The following ZFYVE9 variants were observed in gnomAD, a reference collection of about 807,000 sequenced individuals.
ZFYVE9 encodes the protein zinc finger FYVE-type containing 9.
Under a neutral mutation model 126.7 loss-of-function variants are expected in ZFYVE9, and 43 were observed. The ratio of observed to expected loss-of-function variants is 0.34; its 90% CI spans 0.27 to 0.44. The LOEUF (loss-of-function observed/expected upper bound fraction) is 0.44, where lower values mean the gene tolerates loss of function less well. Ranked by LOEUF, ZFYVE9 falls within the 20% of genes least tolerant of loss-of-function variation. ZFYVE9 has a pLI of 1.00. For synonymous variants in ZFYVE9, 521 were observed against 597.4 expected (o/e 0.87, Z 1.87); for missense variants, 1,476 against 1,697.0 (o/e 0.87, Z 2.29).
chr1:52,288,294 C>A (rs977627201), intron 10 of ZFYVE9, among the ~76,000 whole-genome samples: 20 of 152,112 alleles, frequency 1.3e-4, no homozygotes, highest in Non-Finnish European at 2.1e-4. Flanking sequence ...TATAGTGTCT[C>A]TTGAGCTGTT....
At chr1:52,151,273 G>T (rs1644353959) in intron 1 of ZFYVE9, among the ~76,000 whole-genome samples, 1 of 151,848 alleles carries the variant, frequency 6.6e-6, no homozygotes, top group African/African-American at 2.4e-5. Flanking sequence ...CATCTTTCTG[G>T]TAAGTGTTTC....
At chr1:52,239,703 T>G in intron 4 of ZFYVE9, 108 bp downstream of exon 4, 1 of 1,263,404 alleles carries the variant, frequency 7.9e-7, no homozygotes, top group Non-Finnish European at 1.1e-6. Context: ...TGAGTTGACC[T>G]AAATAGCATT....
At chr1:52,184,419 A>AT (rs1438762061) in intron 1 of ZFYVE9, among the ~76,000 whole-genome samples, 1 of 67,838 alleles carries the variant, frequency 1.5e-5, no homozygotes, top group African/African-American at 5.5e-5. Flanking sequence ...TTTTTTTGGT[A>AT]TTTTTTAGTA....
chr1:52,307,926 G>T (rs1646100942), intron 13 of ZFYVE9, among the ~76,000 whole-genome samples: 1 of 151,570 alleles, frequency 6.6e-6, no homozygotes, highest in African/African-American at 2.4e-5. Flanking sequence ...TAATTTTTTT[G>T]TATTTTTAGT....
intron 1 of ZFYVE9, among the ~76,000 whole-genome samples, chr1:52,203,467 CTTTTTT>C (rs143649191): frequency 6.7e-5 from 6 of 89,968 alleles, no homozygotes; most frequent in African/African-American, 2.1e-4. Flanking sequence ...ACAGACCCGT[CTTTTTT>C]TTTTTTTTTT....
At chr1:52,174,890 A>C (rs867006698) in intron 1 of ZFYVE9, among the ~76,000 whole-genome samples, 16 of 152,154 alleles carry the variant, frequency 1.1e-4, no homozygotes, top group Admixed American at 9.2e-4. Flanking sequence ...TTTTGAGCCT[A>C]TGTGTGTCTG....
At chr1:52,322,080 C>A (rs1261921630) in intron 13 of ZFYVE9, among the ~76,000 whole-genome samples, 1 of 152,202 alleles carries the variant, frequency 6.6e-6, no homozygotes, top group Non-Finnish European at 1.5e-5. Flanking sequence ...TCACCTTTGA[C>A]ATGGTCATCT....
chr1:52,186,169 G>A (rs188417836), intron 1 of ZFYVE9, among the ~76,000 whole-genome samples: 20 of 151,596 alleles, frequency 1.3e-4, no homozygotes, highest in African/African-American at 4.6e-4. Context: ...GAACCTGGGA[G>A]GTGGAGGTTT....
intron 17 of ZFYVE9, among the ~76,000 whole-genome samples, chr1:52,343,671 G>A (rs1646459966): frequency 1.3e-5 from 2 of 151,566 alleles, no homozygotes; most frequent in African/African-American, 4.9e-5. Flanking sequence ...CAAGAGAATT[G>A]CTGGAACCCA....
chr1:52,282,998 G>A (rs1349075581), intron 10 of ZFYVE9, among the ~76,000 whole-genome samples: 1 of 152,168 alleles, frequency 6.6e-6, no homozygotes, highest in Non-Finnish European at 1.5e-5. Flanking sequence ...TAATTTAGGT[G>A]TAGCATTACA....
intron 1 of ZFYVE9, among the ~76,000 whole-genome samples, chr1:52,166,823 C>T (rs1264199781): frequency 1.3e-5 from 2 of 152,082 alleles, no homozygotes; most frequent in African/African-American, 4.8e-5. Flanking sequence ...ATCACCCGAG[C>T]CTGGGGAGGT....
At chr1:52,319,969 C>T (rs1443005324) in intron 13 of ZFYVE9, among the ~76,000 whole-genome samples, 1 of 143,430 alleles carries the variant, frequency 7.0e-6, no homozygotes, top group Non-Finnish European at 1.5e-5. Context: ...GCTGAGATTG[C>T]GCCATTGCAC....
chr1:52,197,852 C>T (rs1337426320), intron 1 of ZFYVE9, among the ~76,000 whole-genome samples: 2 of 152,154 alleles, frequency 1.3e-5, no homozygotes, highest in Admixed American at 1.3e-4. Context: ...GTAGACAACT[C>T]TCTTGAGAAA....
intron 4 of ZFYVE9, among the ~76,000 whole-genome samples, chr1:52,248,650 G>A (rs866969809): frequency 1.8e-4 from 28 of 152,252 alleles, no homozygotes; most frequent in African/African-American, 6.3e-4. Flanking sequence ...ACCACATTTT[G>A]TTAATTCATT....
chr1:52,275,200 G>T (rs1645733365), intron 8 of ZFYVE9, among the ~76,000 whole-genome samples: 1 of 152,162 alleles, frequency 6.6e-6, no homozygotes, highest in African/African-American at 2.4e-5. Flanking sequence ...TGTCACCCAG[G>T]TAGTGAGCAT....
At chr1:52,166,489 T>C (rs184171009) in intron 1 of ZFYVE9, among the ~76,000 whole-genome samples, 2 of 152,322 alleles carry the variant, frequency 1.3e-5, no homozygotes, top group Admixed American at 1.3e-4. Context: ...ATAAACTCTA[T>C]TGAGTGTTTA....
At chr1:52,235,362 A>T (rs539337362) in intron 3 of ZFYVE9, among the ~76,000 whole-genome samples, 1 of 152,338 alleles carries the variant, frequency 6.6e-6, no homozygotes, top group South Asian at 2.1e-4. Context: ...GGTAGGAGGC[A>T]GTTGAATAAT....
intron 15 of ZFYVE9, 77 bp downstream of exon 15, chr1:52,334,845 G>A (rs895329706): frequency 2.1e-6 from 3 of 1,410,794 alleles, no homozygotes; most frequent in Non-Finnish European, 3.0e-6. Flanking sequence ...CACTTCTGCT[G>A]TAGATGTCTG....
chr1:52,219,262 G>C (rs1481395896), intron 2 of ZFYVE9, among the ~76,000 whole-genome samples: 1 of 152,090 alleles, frequency 6.6e-6, no homozygotes, highest in Non-Finnish European at 1.5e-5. Context: ...TTGTGGGGAG[G>C]GTGATCGGGT....
Sources: gnomAD v4.1 joint callset for allele counts (sites outside exome capture counted in the v4.1 genomes callset) on GRCh38, gnomAD v4.1.1 for gene constraint, MANE v1.5 for transcripts, NCBI Gene and HGNC (gene_info 2026-07-23, HGNC 2026-07-21) for gene names.